The following CCNY variants were observed in gnomAD, a reference collection of about 807,000 sequenced individuals.
The protein encoded by CCNY is cyclin-Y.
A neutral mutation model predicts 42.8 loss-of-function variants in CCNY; 19 were observed. The ratio of observed to expected loss-of-function variants is 0.44; its 90% CI spans 0.31 to 0.65. The LOEUF is 0.65. Among genes scored for constraint, CCNY ranks in the 30% least tolerant of loss-of-function variants. CCNY has a pLI of 0.07. For synonymous variants in CCNY, 165 were observed against 162.7 expected (o/e 1.01, Z -0.11); for missense variants, 370 against 437.3 (o/e 0.85, Z 1.37).
intron 3 of CCNY, among the ~76,000 whole-genome samples, chr10:35,308,060 A>C (rs1475734689): frequency 6.6e-6 from 1 of 151,512 alleles, no homozygotes; most frequent in African/African-American, 2.4e-5. Flanking sequence ...CAAGTGATCC[A>C]CCCGCCTCGG....
intron 1 of CCNY, among the ~76,000 whole-genome samples, chr10:35,435,907 T>C (rs1838521897): frequency 6.6e-6 from 1 of 152,118 alleles, no homozygotes; most frequent in South Asian, 2.1e-4. Flanking sequence ...ATGGTAGTAG[T>C]GACGATGGAT....
intron 3 of CCNY, among the ~76,000 whole-genome samples, chr10:35,317,634 G>A (rs1418454404): frequency 6.6e-6 from 1 of 152,218 alleles, no homozygotes; most frequent in Non-Finnish European, 1.5e-5. Flanking sequence ...TCTGAGCATG[G>A]AAGAGAGCAC....
At chr10:35,454,388 T>G (rs765526088) in intron 1 of CCNY, among the ~76,000 whole-genome samples, 5 of 152,240 alleles carry the variant, frequency 3.3e-5, no homozygotes, top group Non-Finnish European at 5.9e-5. Flanking sequence ...TACCAAAGGT[T>G]GTTCACCTGG....
At chr10:35,469,896 A>G (rs1839352855) in intron 1 of CCNY, among the ~76,000 whole-genome samples, 1 of 148,852 alleles carries the variant, frequency 6.7e-6, no homozygotes, top group Admixed American at 6.7e-5. Flanking sequence ...CAATGGAGAG[A>G]CAGACAGGGA....
Position 35,336,552 on chromosome 10 carries a change from G to A in CCNY, c.-502G>A, listed in dbSNP as rs905851683. On this transcript the variant is annotated 5_prime_UTR_variant, in exon 1 of 10. Transcript: ENST00000374704. ...GCACCGCGCCGCGAGGAGTCCGGGG[G>A]CTGCGCCCACGCCCGCTGCCCGCCC... 9.4e-5 allele frequency among the ~76,000 whole-genome samples: 14 copies of A among 149,100 alleles called. No individual in the cohort carries two copies. Among genetic ancestry groups the A allele is most frequent in the South Asian group, 4.1e-4 (2 of 4,822 alleles).
At chr10:35,393,236 C>G (rs1237385997) in intron 1 of CCNY, among the ~76,000 whole-genome samples, 1 of 152,136 alleles carries the variant, frequency 6.6e-6, no homozygotes, top group Non-Finnish European at 1.5e-5. Flanking sequence ...AAGAGATGCT[C>G]CTATAAGTAT....
At chr10:35,550,378 C>T (rs1564455195) in intron 7 of CCNY, among the ~76,000 whole-genome samples, 1 of 152,178 alleles carries the variant, frequency 6.6e-6, no homozygotes, top group Non-Finnish European at 1.5e-5. Context: ...TGCTCATGAC[C>T]CTGTGCTGCT....
intron 3 of CCNY, among the ~76,000 whole-genome samples, chr10:35,268,641 G>T (rs2095728065): frequency 1.3e-5 from 2 of 152,186 alleles, no homozygotes; most frequent in South Asian, 2.1e-4. Context: ...GCAGTCCTTT[G>T]CCTGGCCCCA....
rs186257361 is a variant in CCNY at position 35,312,180 on chromosome 10, G to A, written c.-9+61554G>A. On this transcript the variant is annotated intron_variant, in intron 3 of 11. Coordinates refer to the CCNY transcript ENST00000374706. Reference sequence around the variant, plus strand: ...ATCACGAGGTCAGGAGATCAAGACCGTCCTAGCTAACACGGTGAAACCCTG... The same window carrying A: ...ATCACGAGGTCAGGAGATCAAGACCATCCTAGCTAACACGGTGAAACCCTG... Among the ~76,000 whole-genome samples the A allele has an allele frequency of 2.8e-4, 42 of 151,886 alleles. No homozygotes were observed. In the East Asian group the frequency reaches 5.8e-3, roughly 21 times the overall value.
intron 1 of CCNY, among the ~76,000 whole-genome samples, chr10:35,448,035 A>G (rs955666769): frequency 6.6e-6 from 1 of 152,162 alleles, no homozygotes; most frequent in Non-Finnish European, 1.5e-5. Flanking sequence ...CTCAGCTGGC[A>G]CCAGGTCACT....
chr10:35,311,897 G>A (rs1476154018), intron 3 of CCNY, among the ~76,000 whole-genome samples: 4 of 151,438 alleles, frequency 2.6e-5, no homozygotes, highest in South Asian at 2.1e-4. Flanking sequence ...GAGGTGGGAC[G>A]ATGGCTTGAA....
At chr10:35,462,053 G>GT (rs1240515130) in intron 1 of CCNY, among the ~76,000 whole-genome samples, 3 of 152,112 alleles carry the variant, frequency 2.0e-5, no homozygotes, top group Non-Finnish European at 4.4e-5. Context: ...ACTCAATTCA[G>GT]TACTGGAGTT....
At chr10:35,484,542 G>A (rs770137601) in intron 2 of CCNY, among the ~76,000 whole-genome samples, 23 of 152,070 alleles carry the variant, frequency 1.5e-4, no homozygotes, top group South Asian at 1.2e-3. Flanking sequence ...GCCATTAAAA[G>A]TAATGGCAAA....
chr10:35,522,826 A>C (rs758912861), intron 4 of CCNY, among the ~76,000 whole-genome samples: 2 of 152,196 alleles, frequency 1.3e-5, no homozygotes, highest in Non-Finnish European at 2.9e-5. Context: ...TCCTATAACA[A>C]AACTTTCTTG....
intron 1 of CCNY, among the ~76,000 whole-genome samples, chr10:35,459,807 A>G (rs1205521458): frequency 4.6e-5 from 7 of 152,178 alleles, no homozygotes; most frequent in African/African-American, 1.7e-4. Flanking sequence ...TCAGATGTGC[A>G]CTGGATGAGC....
At chr10:35,432,645 C>T (rs1441622512) in intron 1 of CCNY, among the ~76,000 whole-genome samples, 1 of 152,160 alleles carries the variant, frequency 6.6e-6, no homozygotes, top group Non-Finnish European at 1.5e-5. Flanking sequence ...CAATCTGTTC[C>T]TTCCACTGAA....
intron 7 of CCNY, among the ~76,000 whole-genome samples, chr10:35,552,771 TG>T: frequency 6.6e-6 from 1 of 152,354 alleles, no homozygotes; most frequent in Non-Finnish European, 1.5e-5. Context: ...CTGTGCTTCC[TG>T]GAATTGTTTC....
intron 3 of CCNY, among the ~76,000 whole-genome samples, chr10:35,299,716 G>T (rs1835510786): frequency 6.6e-6 from 1 of 152,112 alleles, no homozygotes; most frequent in Non-Finnish European, 1.5e-5. Context: ...GATAATCTTT[G>T]ATTTATAATT....
At chr10:35,403,503 C>G (rs1488947718) in intron 1 of CCNY, among the ~76,000 whole-genome samples, 3 of 152,128 alleles carry the variant, frequency 2.0e-5, no homozygotes, top group African/African-American at 7.2e-5. Flanking sequence ...TAAGCGTTGC[C>G]CTGAGCCATG....
Sources: gnomAD v4.1 joint callset for allele counts (sites outside exome capture counted in the v4.1 genomes callset) on GRCh38, gnomAD v4.1.1 for gene constraint, MANE v1.5 for transcripts, NCBI Gene and HGNC (gene_info 2026-07-23, HGNC 2026-07-21) for gene names.